The following IGF1R variants were observed in gnomAD, a reference collection of about 807,000 sequenced individuals.
IGF1R encodes the protein insulin-like growth factor 1 receptor.
A neutral mutation model predicts 144.6 loss-of-function variants in IGF1R; 44 were observed. That is an observed-to-expected ratio of 0.30 (90% confidence interval 0.24 to 0.39). The LOEUF (loss-of-function observed/expected upper bound fraction) is 0.39, where lower values mean the gene tolerates loss of function less well. IGF1R is among the 10% of genes least tolerant of loss of function. The probability of loss-of-function intolerance (pLI) is 1.00; values close to 1 mark genes in which losing one functional copy is unlikely to be tolerated. For missense variants in IGF1R, 1,355 were observed against 1,833.7 expected (o/e 0.74, Z 4.77); for synonymous variants, 795 against 722.8 (o/e 1.10, Z -1.60).
At chr15:98,956,950 G>C (rs545094851) in intron 20 of IGF1R, 111 bp from the exon 21 acceptor site, 5 of 1,243,318 alleles carry the variant, frequency 4.0e-6, no homozygotes, top group Non-Finnish European at 5.8e-6. Context: ...GCTGTGTTCA[G>C]TGCTCCCGCC....
rs567843112 is a variant in IGF1R, at chr15:98,803,592, A to T, written c.641-87733A>T. 1.6e-3 allele frequency among the ~76,000 whole-genome samples: 250 copies of T among 151,942 alleles called. 2 individuals carry two copies. Among genetic ancestry groups the T allele is most frequent in the African/African-American group, 5.7e-3 (236 of 41,428 alleles). The stretch of plus-strand genomic sequence containing the variant: ...GCAATCACAGCTCACTGCAGCCTCG[A>T]CCGCCAAGGCTCAAGCGATCCTCTT... On this transcript the variant is annotated intron_variant, in intron 2 of 20. Coordinates refer to ENST00000650285, the MANE Select transcript of IGF1R (RefSeq NM_000875.5).
At position 98,939,233 on chromosome 15, in the gene IGF1R, C is replaced by G. The variant is rs767949946; in HGVS notation, c.3330C>G (p.Ser1110Arg). Residue 1110 changes from serine (S) to arginine (R), a missense_variant, in exon 18 of 21, where the codon AGC becomes AGG. By Grantham distance (110) the Ser-to-Arg change is moderately radical. Transcript: ENST00000650285. Reference sequence around the variant, plus strand: ...CAGTCCTAGCACCTCCAAGCCTGAGCAAGATGATTCAGATGGCCGGAGAGA... The same window carrying G: ...CAGTCCTAGCACCTCCAAGCCTGAGGAAGATGATTCAGATGGCCGGAGAGA... Reference protein sequence around the residue: ...NNPVLAPPSLSKMIQMAGEIA... With the variant: ...NNPVLAPPSLRKMIQMAGEIA... 1.1e-5 allele frequency: 18 copies of G among 1,613,812 alleles called. No homozygotes were observed. The highest frequency in any genetic ancestry group is 1.4e-5 in the Non-Finnish European group (17 of 1,179,866).
chr15:98,797,005 T>C (rs1596311595), intron 2 of IGF1R, among the ~76,000 whole-genome samples: 1 of 151,946 alleles, frequency 6.6e-6, no homozygotes, highest in Non-Finnish European at 1.5e-5. Flanking sequence ...CATTTGGGGG[T>C]GTGGTGCTAT....
chr15:98,890,990 C>A (rs1232399268), intron 2 of IGF1R, among the ~76,000 whole-genome samples: 1 of 152,198 alleles, frequency 6.6e-6, no homozygotes, highest in Admixed American at 6.5e-5. Flanking sequence ...CTGACCCACG[C>A]CTGAGGCAAC....
At chr15:98,686,826 A>G (rs1048178137) in intron 1 of IGF1R, among the ~76,000 whole-genome samples, 1 of 151,402 alleles carries the variant, frequency 6.6e-6, no homozygotes, top group Non-Finnish European at 1.5e-5. Flanking sequence ...CTGCGCCATC[A>G]CTCCTGGTGA....
At position 98,770,791 on chromosome 15, in the gene IGF1R, G is replaced by A. The variant is rs187557341; in HGVS notation, c.640+62684G>A. On this transcript the variant is annotated intron_variant, in intron 2 of 20. Coordinates refer to ENST00000650285, the MANE Select transcript of IGF1R (RefSeq NM_000875.5). ...GTGTCCTGGTTCTACTTGCCGGCAGGGATCTAAGTTGGAATTCCTTTCCAA... is the reference window on the plus strand; with the variant it reads ...GTGTCCTGGTTCTACTTGCCGGCAGAGATCTAAGTTGGAATTCCTTTCCAA... 1.2e-3 allele frequency among the ~76,000 whole-genome samples: 175 copies of A among 152,148 alleles called. 1 individual carries two copies. Among genetic ancestry groups the A allele is most frequent in the African/African-American group, 4.0e-3 (168 of 41,490 alleles).
chr15:98,874,488 C>A (rs1050900685), intron 2 of IGF1R, among the ~76,000 whole-genome samples: 1 of 152,148 alleles, frequency 6.6e-6, no homozygotes, highest in Admixed American at 6.5e-5. Flanking sequence ...GGGTCATATG[C>A]TTTAAAGATT....
chr15:98,713,446 A>G (rs146846898), intron 2 of IGF1R, among the ~76,000 whole-genome samples: 1 of 152,286 alleles, frequency 6.6e-6, no homozygotes, highest in East Asian at 1.9e-4. Context: ...TACTGACCAG[A>G]ATCATCTGCA....
chr15:98,783,164 C>T (rs182472803), intron 2 of IGF1R, among the ~76,000 whole-genome samples: 1 of 152,234 alleles, frequency 6.6e-6, no homozygotes, highest in East Asian at 1.9e-4. Flanking sequence ...CATGCAGTTT[C>T]AAGAAATAAT....
intron 12 of IGF1R, 92 bp downstream of exon 12, chr15:98,924,104 T>C (rs372350321): frequency 2.9e-5 from 37 of 1,269,608 alleles, no homozygotes; most frequent in Middle Eastern, 1.9e-4. Flanking sequence ...CTGGTTAGCA[T>C]AGGACTTAAA....
intron 2 of IGF1R, among the ~76,000 whole-genome samples, chr15:98,782,022 C>G (rs2055871840): frequency 6.6e-6 from 1 of 152,046 alleles, no homozygotes. Context: ...GAGATGGGGT[C>G]TTGCTGTGTT....
At chr15:98,760,823 T>C (rs2055277456) in intron 2 of IGF1R, among the ~76,000 whole-genome samples, 1 of 152,254 alleles carries the variant, frequency 6.6e-6, no homozygotes, top group Non-Finnish European at 1.5e-5. Flanking sequence ...TTATGTTTTC[T>C]GATTACCCAT....
At position 98,916,147 on chromosome 15, in the gene IGF1R, C is replaced by A. The variant is rs373203214; in HGVS notation, c.1996+16C>A. 1.9e-6 allele frequency: 3 copies of A among 1,613,392 alleles called. No homozygotes were observed. In the African/African-American group the frequency reaches 4.0e-5, roughly 22 times the overall value. On this transcript the variant is annotated intron_variant, in intron 9 of 20. Transcript: ENST00000650285. ...TGCTCCAAAGGTAAGGGTGCAGCAG[C>A]GGCCTGGACGGAGGGTGTGACCGTT...
At chr15:98,833,802 A>G (rs1938543963) in intron 2 of IGF1R, among the ~76,000 whole-genome samples, 1 of 152,194 alleles carries the variant, frequency 6.6e-6, no homozygotes, top group East Asian at 1.9e-4. Flanking sequence ...TGCTTTTTTT[A>G]TTAAAAAGTA....
chr15:98,844,763 A>C (rs1298589574), intron 2 of IGF1R, among the ~76,000 whole-genome samples: 1 of 152,190 alleles, frequency 6.6e-6, no homozygotes, highest in Non-Finnish European at 1.5e-5. Flanking sequence ...TGTTAATTGC[A>C]AGAAATCTTT....
chr15:98,650,924 T>C, intron 1 of IGF1R: 1 of 984,816 alleles, frequency 1.0e-6, no homozygotes, highest in Non-Finnish European at 1.2e-6. Context: ...GAGCGAGAAC[T>C]CCCCCCGGTG....
At chr15:98,711,158 A>G (rs1418270970) in intron 2 of IGF1R, among the ~76,000 whole-genome samples, 3 of 152,084 alleles carry the variant, frequency 2.0e-5, no homozygotes, top group Admixed American at 6.5e-5. Flanking sequence ...ACCCTTAGGA[A>G]TCATTTGGGG....
intron 1 of IGF1R, among the ~76,000 whole-genome samples, chr15:98,651,278 G>T (rs981520117): frequency 2.0e-5 from 3 of 152,210 alleles, no homozygotes; most frequent in Non-Finnish European, 1.5e-5. Flanking sequence ...GACGGAACGA[G>T]AGCAGATCGT....
chr15:98,678,044 T>A (rs1315868164), intron 1 of IGF1R, among the ~76,000 whole-genome samples: 2 of 152,244 alleles, frequency 1.3e-5, no homozygotes, highest in South Asian at 4.1e-4. Flanking sequence ...GTTTTCATCA[T>A]GTTGAAGAAT....
Sources: gnomAD v4.1 joint callset for allele counts (sites outside exome capture counted in the v4.1 genomes callset) on GRCh38, gnomAD v4.1.1 for gene constraint, MANE v1.5 for transcripts, NCBI Gene and HGNC (gene_info 2026-07-23, HGNC 2026-07-21) for gene names.